The following KCND2 variants were observed in gnomAD, a reference collection of about 807,000 sequenced individuals.
The protein encoded by KCND2 is A-type voltage-gated potassium channel KCND2.
A neutral mutation model predicts 54.4 loss-of-function variants in KCND2; 16 were observed. The ratio of observed to expected loss-of-function variants is 0.29; its 90% CI spans 0.20 to 0.45. KCND2 has a LOEUF of 0.45. Among genes scored for constraint, KCND2 ranks in the 20% least tolerant of loss-of-function variants. The probability of loss-of-function intolerance (pLI) is 1.00; values close to 1 mark genes in which losing one functional copy is unlikely to be tolerated. For synonymous variants in KCND2, 317 were observed against 310.7 expected, an observed-to-expected ratio of 1.02 and a Z score of -0.21; for missense variants, 486 against 824.2, an observed-to-expected ratio of 0.59 and a Z score of 5.02.
intron 1 of KCND2, among the ~76,000 whole-genome samples, chr7:120,449,099 G>A (rs759773613): frequency 3.3e-5 from 5 of 152,112 alleles, no homozygotes; most frequent in Admixed American, 6.5e-5. Context: ...GGAGGCCGAG[G>A]TGGGCGGATC....
chr7:120,611,159 C>T (rs1404791130), intron 1 of KCND2, among the ~76,000 whole-genome samples: 1 of 152,138 alleles, frequency 6.6e-6, no homozygotes, highest in Non-Finnish European at 1.5e-5. Context: ...ACCCCGATGA[C>T]AAATATTTGG....
intron 1 of KCND2, among the ~76,000 whole-genome samples, chr7:120,357,488 C>G (rs1239964459): frequency 6.6e-6 from 1 of 151,986 alleles, no homozygotes; most frequent in Admixed American, 6.6e-5. Flanking sequence ...TTTATGTATA[C>G]CTACATGCAA....
chr7:120,523,702 C>CAGTG (rs1491350289), intron 1 of KCND2, among the ~76,000 whole-genome samples: 1 of 111,032 alleles, frequency 9.0e-6, no homozygotes, highest in African/African-American at 4.3e-5. Context: ...CACACACACA[C>CAGTG]TCTGTGTGTG....
intron 1 of KCND2, among the ~76,000 whole-genome samples, chr7:120,454,382 C>T (rs966882860): frequency 6.6e-6 from 1 of 152,090 alleles, no homozygotes; most frequent in African/African-American, 2.4e-5. Flanking sequence ...TTACCTCTGA[C>T]CCCACAGAAG....
Position 120,288,654 on chromosome 7 carries a change from A to T in KCND2, c.1115+12907A>T, listed in dbSNP as rs1318295133. On this transcript the variant is annotated intron_variant, in intron 1 of 5. Coordinates refer to ENST00000331113, the MANE Select transcript of KCND2 (RefSeq NM_012281.3). ...GTCCAGGTGTAATGAGAACTGTCTT[A>T]CAAAAGGCTGATTGAAGATTAATAT... 2.0e-5 allele frequency among the ~76,000 whole-genome samples: 3 copies of T among 152,144 alleles called. No homozygotes were observed. The East Asian group carries it at 5.8e-4, about 29-fold the overall frequency.
chr7:120,648,166 G>A (rs180770878), intron 1 of KCND2, among the ~76,000 whole-genome samples: 2 of 152,182 alleles, frequency 1.3e-5, no homozygotes, highest in Admixed American at 1.3e-4. Context: ...CCCACGGAGA[G>A]AGATGGAAAA....
intron 1 of KCND2, among the ~76,000 whole-genome samples, chr7:120,292,894 C>G (rs914145209): frequency 6.6e-6 from 1 of 151,642 alleles, no homozygotes; most frequent in Non-Finnish European, 1.5e-5. Flanking sequence ...TCCTTATTGC[C>G]TTAATTTCAA....
intron 1 of KCND2, among the ~76,000 whole-genome samples, chr7:120,566,560 G>C (rs1792300321): frequency 6.6e-6 from 1 of 152,050 alleles, no homozygotes; most frequent in South Asian, 2.1e-4. Context: ...TGCCCAGGCT[G>C]ATCTCCAACC....
intron 1 of KCND2, among the ~76,000 whole-genome samples, chr7:120,428,235 T>C (rs1801740485): frequency 6.6e-6 from 1 of 152,236 alleles, no homozygotes; most frequent in African/African-American, 2.4e-5. Context: ...GTTAATCATT[T>C]GATGACTACT....
At chr7:120,562,989 G>T (rs1395477843) in intron 1 of KCND2, among the ~76,000 whole-genome samples, 1 of 152,138 alleles carries the variant, frequency 6.6e-6, no homozygotes, top group African/African-American at 2.4e-5. Flanking sequence ...AAAAAGAAAT[G>T]CTTCAATCTA....
intron 1 of KCND2, among the ~76,000 whole-genome samples, chr7:120,665,108 C>G (rs1400346293): frequency 6.6e-6 from 1 of 152,018 alleles, no homozygotes; most frequent in Non-Finnish European, 1.5e-5. Context: ...CAGTGACACT[C>G]TAGTTTATAA....
At chr7:120,553,240 A>T (rs1792123270) in intron 1 of KCND2, among the ~76,000 whole-genome samples, 1 of 152,206 alleles carries the variant, frequency 6.6e-6, no homozygotes, top group South Asian at 2.1e-4. Context: ...TCTAAGTGAG[A>T]TCACACAGTA....
intron 1 of KCND2, among the ~76,000 whole-genome samples, chr7:120,626,358 T>C (rs986076762): frequency 1.3e-5 from 2 of 152,220 alleles, no homozygotes; most frequent in African/African-American, 4.8e-5. Flanking sequence ...TCACTTTAGA[T>C]GTAGCAATGA....
intron 1 of KCND2, among the ~76,000 whole-genome samples, chr7:120,702,896 A>G (rs185394040): frequency 1.6e-4 from 24 of 152,298 alleles, no homozygotes; most frequent in Non-Finnish European, 2.9e-4. Context: ...AGGTTTACCT[A>G]TATAACAAAC....
intron 1 of KCND2, among the ~76,000 whole-genome samples, chr7:120,500,676 G>A (rs1383320216): frequency 6.6e-6 from 1 of 151,814 alleles, no homozygotes; most frequent in Non-Finnish European, 1.5e-5. Flanking sequence ...TTATGTTTGA[G>A]TTATACAACA....
At chr7:120,696,697 G>A (rs865874749) in intron 1 of KCND2, among the ~76,000 whole-genome samples, 1 of 152,166 alleles carries the variant, frequency 6.6e-6, no homozygotes, top group Non-Finnish European at 1.5e-5. Context: ...TTATGAAAGT[G>A]AGTTCTTCAG....
chr7:120,696,624 G>A (rs1792336102), intron 1 of KCND2, among the ~76,000 whole-genome samples: 1 of 152,232 alleles, frequency 6.6e-6, no homozygotes, highest in African/African-American at 2.4e-5. Flanking sequence ...TGAGGGTTCT[G>A]CTATCATACA....
At chr7:120,357,578 C>T (rs1800524624) in intron 1 of KCND2, among the ~76,000 whole-genome samples, 3 of 151,922 alleles carry the variant, frequency 2.0e-5, no homozygotes, top group Admixed American at 1.3e-4. Context: ...TTGATTCATG[C>T]ACTCCAGAGG....
In KCND2 at chr7:120,745,631, A is replaced by C. The variant is rs1342083761; in HGVS notation, c.1468-149A>C. Reference sequence around the variant, plus strand: ...TAAATGCCAAAAAGAAGTGGTTTTGATGTCAATCTTTATGAAAATGGTTTT... The same window carrying C: ...TAAATGCCAAAAAGAAGTGGTTTTGCTGTCAATCTTTATGAAAATGGTTTT... On this transcript the variant is annotated intron_variant, in intron 4 of 5. Coordinates refer to ENST00000331113, the MANE Select transcript of KCND2 (RefSeq NM_012281.3). The C allele has an allele frequency of 3.8e-6, 3 of 791,194 alleles. No homozygotes were observed. In the East Asian group the frequency reaches 8.1e-5, roughly 21 times the overall value. 49.0% of individuals were successfully genotyped at this position (791,194 alleles called of 1,614,324 possible). A position where few individuals can be genotyped will look rare whatever the true frequency, so the allele number is the denominator to read the frequency against.
Sources: gnomAD v4.1 joint callset for allele counts (sites outside exome capture counted in the v4.1 genomes callset) on GRCh38, gnomAD v4.1.1 for gene constraint, MANE v1.5 for transcripts, NCBI Gene and HGNC (gene_info 2026-07-23, HGNC 2026-07-21) for gene names.